DOCK4: variants seen among roughly 807,000 people sequenced by gnomAD.
DOCK4 encodes the protein dedicator of cytokinesis 4.
Under a neutral mutation model 268.1 loss-of-function variants are expected in DOCK4, and 97 were observed. The observed-to-expected ratio is 0.36, with a 90% CI of 0.31 to 0.43. The LOEUF (loss-of-function observed/expected upper bound fraction) is 0.43. Among genes scored for constraint, DOCK4 ranks in the 20% least tolerant of loss-of-function variants. The probability of loss-of-function intolerance (pLI) is 1.00; values close to 1 mark genes in which losing one functional copy is unlikely to be tolerated. For synonymous variants in DOCK4, 954 were observed against 887.2 expected (o/e 1.08, Z -1.34); for missense variants, 2,145 against 2,455.7 (o/e 0.87, Z 2.67).
chr7:111,944,602 G>T (rs1478013161), intron 10 of DOCK4, among the ~76,000 whole-genome samples: 1 of 152,170 alleles, frequency 6.6e-6, no homozygotes, highest in Non-Finnish European at 1.5e-5. Context: ...TATTAAAAGA[G>T]ACCAGAATCT....
chr7:112,006,778 C>T (rs1334941631), intron 1 of DOCK4, among the ~76,000 whole-genome samples: 3 of 152,178 alleles, frequency 2.0e-5, no homozygotes, highest in Non-Finnish European at 4.4e-5. Context: ...TGCCTGTGAT[C>T]AAGTGGACAC....
intron 13 of DOCK4, among the ~76,000 whole-genome samples, chr7:111,914,984 G>T (rs146330256): frequency 1.2e-4 from 19 of 152,242 alleles, no homozygotes; most frequent in African/African-American, 4.1e-4. Context: ...CTCAATCAAT[G>T]CCTGCTGACT....
Position 111,823,230 on chromosome 7 carries a change from C to T in DOCK4, c.2836-774G>A, listed in dbSNP as rs925525084. ...TTTTTTTTTTTTTTTTTTTTTTAGACGGAGTCTTGCTCTGTCGCCAGGCTA... is the reference window on the plus strand; with the variant it reads ...TTTTTTTTTTTTTTTTTTTTTTAGATGGAGTCTTGCTCTGTCGCCAGGCTA... On this transcript the variant is annotated intron_variant, in intron 26 of 52. Transcript: ENST00000428084. Among the ~76,000 whole-genome samples, 10 of 106,930 alleles carry T rather than the reference C, an allele frequency of 9.4e-5. No homozygotes were observed. In the East Asian group the frequency reaches 9.6e-4, roughly 10 times the overall value. 70.2% of individuals were successfully genotyped at this position (106,930 alleles called of 152,430 possible).
intron 12 of DOCK4, among the ~76,000 whole-genome samples, chr7:111,927,039 C>T (rs1212186025): frequency 6.6e-6 from 1 of 152,140 alleles, no homozygotes; most frequent in African/African-American, 2.4e-5. Context: ...TTGCTGATTG[C>T]TTCTTTAAAC....
rs887916115 is a variant in DOCK4, at chr7:112,152,688, T to C, written c.37+53414A>G. Among the ~76,000 whole-genome samples the C allele has an allele frequency of 5.3e-5, 8 of 152,170 alleles. 1 individual carries two copies. The South Asian group carries it at 1.7e-3, about 32-fold the overall frequency. ...TTTTGTAGCGACGGGGGTCTTGCTA[T>C]GTTGCTGAGGCTGGTCTCAACTCCT... On this transcript the variant is annotated intron_variant, in intron 1 of 52. Transcript: ENST00000428084.
At chr7:111,853,302 A>C (rs1804732368) in intron 23 of DOCK4, among the ~76,000 whole-genome samples, 1 of 152,234 alleles carries the variant, frequency 6.6e-6, no homozygotes, top group Middle Eastern at 3.4e-3. Flanking sequence ...ACATTCCACA[A>C]ACTGGGCTCT....
intron 1 of DOCK4, among the ~76,000 whole-genome samples, chr7:112,154,578 A>T (rs1160884853): frequency 6.6e-6 from 1 of 152,204 alleles, no homozygotes; most frequent in Non-Finnish European, 1.5e-5. Context: ...CAGCTGATAC[A>T]TAGGGTACAG....
chr7:111,805,665 G>A (rs985367484), intron 30 of DOCK4, among the ~76,000 whole-genome samples: 1 of 152,000 alleles, frequency 6.6e-6, no homozygotes, highest in Non-Finnish European at 1.5e-5. Flanking sequence ...TTTCCCCTCC[G>A]TGTCCTCAGT....
chr7:111,805,613 C>A (rs930349164), intron 30 of DOCK4, among the ~76,000 whole-genome samples: 2 of 152,158 alleles, frequency 1.3e-5, no homozygotes, highest in African/African-American at 2.4e-5. Flanking sequence ...AATCCTACAG[C>A]TTTAAGTTTA....
At chr7:112,068,743 C>T (rs1807306909) in intron 1 of DOCK4, among the ~76,000 whole-genome samples, 1 of 152,150 alleles carries the variant, frequency 6.6e-6, no homozygotes, top group Non-Finnish European at 1.5e-5. Flanking sequence ...CATCCCCAAG[C>T]ACCTCTTGTA....
At chr7:111,763,347 C>G (rs2133617332) in intron 39 of DOCK4, among the ~76,000 whole-genome samples, 1 of 152,290 alleles carries the variant, frequency 6.6e-6, no homozygotes, top group Non-Finnish European at 1.5e-5. Context: ...CTCCAGGATT[C>G]TGAAGAGTGT....
chr7:112,189,778 C>G (rs1372977471), intron 1 of DOCK4, among the ~76,000 whole-genome samples: 3 of 99,324 alleles, frequency 3.0e-5, no homozygotes, highest in South Asian at 3.7e-4. Context: ...GAGATAGGGT[C>G]TCTATATTGC....
intron 7 of DOCK4, among the ~76,000 whole-genome samples, chr7:111,979,929 C>A (rs1798483092): frequency 6.6e-6 from 1 of 152,144 alleles, no homozygotes. Flanking sequence ...CAGGTCTTAT[C>A]TCAGAACAAT....
At position 111,741,689 on chromosome 7, in the gene DOCK4, AT is replaced by A; in HGVS notation, c.4798-29del. On this transcript the variant is annotated intron_variant, in intron 45 of 52. Coordinates refer to ENST00000428084, the MANE Select transcript of DOCK4 (RefSeq NM_001363540.2). ...AAAGATGTAGTAAAGGAAATATCTC[AT>A]TACAGTAATGATTTGGGCAAAATAA... is the stretch of plus-strand genomic sequence containing the variant. 4 of 1,590,270 alleles carry A rather than the reference AT, an allele frequency of 2.5e-6. No individual in the cohort carries two copies. The South Asian group carries it at 3.4e-5, about 13-fold the overall frequency.
rs1451371150 is a variant in DOCK4, at chr7:112,074,472, G to T, written c.38-70341C>A. ...CTACAAATTCATCCTCCTCTGTGAT[G>T]CTGGGCTAACAATTCTGCAAACCTC... On this transcript the variant is annotated intron_variant, in intron 1 of 52. Transcript: ENST00000428084. 2.0e-5 allele frequency among the ~76,000 whole-genome samples: 3 copies of T among 152,150 alleles called. No homozygotes were observed. The East Asian group carries it at 5.8e-4, about 29-fold the overall frequency.
intron 1 of DOCK4, among the ~76,000 whole-genome samples, chr7:112,022,838 C>G (rs1802442340): frequency 6.6e-6 from 1 of 152,220 alleles, no homozygotes; most frequent in Non-Finnish European, 1.5e-5. Flanking sequence ...TCCCGGGCTG[C>G]AATTTCCTGC....
intron 1 of DOCK4, among the ~76,000 whole-genome samples, chr7:112,185,430 C>T (rs1819417766): frequency 6.6e-6 from 1 of 152,090 alleles, no homozygotes; most frequent in Non-Finnish European, 1.5e-5. Flanking sequence ...CTCTGTCTAC[C>T]TTATAAGAGT....
intron 36 of DOCK4, among the ~76,000 whole-genome samples, chr7:111,770,830 T>G (rs1714209371): frequency 6.6e-6 from 1 of 152,238 alleles, no homozygotes; most frequent in Non-Finnish European, 1.5e-5. Flanking sequence ...TTAGGGTAAC[T>G]ACACATAAAG....
rs1399243239 is a variant in DOCK4 at position 111,980,017 on chromosome 7, GA to G, written c.550-2735del. On this transcript the variant is annotated intron_variant, in intron 7 of 52. Coordinates refer to ENST00000428084, the MANE Select transcript of DOCK4 (RefSeq NM_001363540.2). ...TCCCCAGGTGATTCTAATGGGCAAT[GA>G]GGGTTGAGAATCACTGATCAGGATC... Among the ~76,000 whole-genome samples, 6 of 152,326 alleles carry G rather than the reference GA, an allele frequency of 3.9e-5. No individual in the cohort carries two copies. In the East Asian group the frequency reaches 1.2e-3, roughly 29 times the overall value.
Sources: gnomAD v4.1 joint callset for allele counts (sites outside exome capture counted in the v4.1 genomes callset) on GRCh38, gnomAD v4.1.1 for gene constraint, MANE v1.5 for transcripts, NCBI Gene and HGNC (gene_info 2026-07-23, HGNC 2026-07-21) for gene names.